NHSL2: variants seen among roughly 807,000 people sequenced by gnomAD.
The protein encoded by NHSL2 is NHS like 2, also known as NHS-like protein 2.
NHSL2 carries 27 observed loss-of-function variants against 53.4 expected under a neutral mutation model. That is an observed-to-expected ratio of 0.51 (90% CI 0.37 to 0.70). The LOEUF (loss-of-function observed/expected upper bound fraction) is 0.70. Ranked by LOEUF, NHSL2 falls within the 30% of genes least tolerant of loss-of-function variation. The pLI is 0.00. For missense variants in NHSL2, 892 were observed against 980.1 expected, an observed-to-expected ratio of 0.91 and a Z score of 1.20; for synonymous variants, 408 against 404.1, an observed-to-expected ratio of 1.01 and a Z score of -0.12.
chrX:72,081,161 C>T (rs2041788493), intron 1 of NHSL2, among the ~76,000 whole-genome samples: 1 of 112,248 alleles, frequency 8.9e-6, no homozygotes, highest in African/African-American at 3.2e-5. Context: ...AACCGAAGTC[C>T]CATGAGGACC....
rs765265428 is a variant in NHSL2, at chrX:71,920,843, C to T, written c.280+9476C>T. Among the ~76,000 whole-genome samples, 8 of 110,469 alleles carry T rather than the reference C, an allele frequency of 7.2e-5. No individual in the cohort carries two copies. In the East Asian group the frequency reaches 1.2e-3, roughly 16 times the overall value. ...TTTTTGAGACTGAGTCTTGCTCTGT[C>T]GCCCAGCTGGAGGGCAGTGGTGCGA... On this transcript the variant is annotated intron_variant, in intron 1 of 7. Coordinates refer to ENST00000633930, the MANE Select transcript of NHSL2 (RefSeq NM_001013627.3).
At chrX:71,924,800 A>G (rs932101544) in intron 1 of NHSL2, among the ~76,000 whole-genome samples, 3 of 112,574 alleles carry the variant, frequency 2.7e-5, no homozygotes, top group Admixed American at 9.4e-5. Context: ...ATTTTGCCCA[A>G]TGTAAGCCCA....
intron 1 of NHSL2, among the ~76,000 whole-genome samples, chrX:71,931,197 C>T (rs370239058): frequency 1.8e-5 from 2 of 111,915 alleles, no homozygotes; most frequent in African/African-American, 3.3e-5. Flanking sequence ...GTCTTTTGCC[C>T]GTTTTTGAAT....
chrX:71,940,609 A>G (rs1043939269), intron 1 of NHSL2, among the ~76,000 whole-genome samples: 36 of 110,639 alleles, frequency 3.3e-4, no homozygotes, highest in African/African-American at 1.2e-3. Flanking sequence ...GGAAGTGTTA[A>G]TCTTGGTTGG....
chrX:72,094,421 GTAT>G (rs1261346873), intron 1 of NHSL2, among the ~76,000 whole-genome samples: 1 of 111,416 alleles, frequency 9.0e-6, no homozygotes, highest in African/African-American at 3.3e-5. Flanking sequence ...TCAAGCTGTA[GTAT>G]TTTATTTCTT....
intron 1 of NHSL2, among the ~76,000 whole-genome samples, chrX:71,944,516 G>A (rs187746748): frequency 8.9e-6 from 1 of 112,085 alleles, no homozygotes; most frequent in Non-Finnish European, 1.9e-5. Context: ...GGAAGGTCAA[G>A]CTGGTCATAT....
At chrX:71,933,764 C>T (rs750964937) in intron 1 of NHSL2, among the ~76,000 whole-genome samples, 3 of 111,823 alleles carry the variant, frequency 2.7e-5, no homozygotes, top group South Asian at 3.8e-4. Flanking sequence ...AGCCCTTCCT[C>T]ATTTCTGCTG....
At chrX:72,104,088 T>C (rs1330409669) in intron 1 of NHSL2, among the ~76,000 whole-genome samples, 1 of 112,736 alleles carries the variant, frequency 8.9e-6, no homozygotes, top group East Asian at 2.8e-4. Flanking sequence ...TTTCCTTCCA[T>C]TATGAACACA....
intron 1 of NHSL2, among the ~76,000 whole-genome samples, chrX:71,927,742 A>G (rs2041692986): frequency 9.1e-6 from 1 of 110,299 alleles, no homozygotes; most frequent in South Asian, 3.9e-4. Context: ...TTTTTTTAGT[A>G]GAGACAGGGT....
chrX:72,069,388 G>A (rs1204040576), intron 1 of NHSL2, among the ~76,000 whole-genome samples: 1 of 109,163 alleles, frequency 9.2e-6, no homozygotes, highest in Non-Finnish European at 1.9e-5. Context: ...CAAGGGGGAG[G>A]GGGAAAGGGA....
chrX:72,138,303 C>T (rs2042377556), intron 5 of NHSL2, 138 bp from the exon 6 acceptor site: 1 of 466,107 alleles, frequency 2.1e-6, no homozygotes, highest in Non-Finnish European at 3.6e-6. Context: ...CATCTTCATC[C>T]ATGGAAGGGA....
chrX:72,005,214 G>A (rs865790682), intron 1 of NHSL2, among the ~76,000 whole-genome samples: 9 of 112,191 alleles, frequency 8.0e-5, no homozygotes, highest in East Asian at 2.8e-4. Context: ...GGGTCCTCCC[G>A]CCTTGGTTTC....
At chrX:72,098,154 A>G (rs1041839116) in intron 1 of NHSL2, among the ~76,000 whole-genome samples, 2 of 112,333 alleles carry the variant, frequency 1.8e-5, no homozygotes, top group Admixed American at 9.4e-5. Flanking sequence ...CCTTGGCGGG[A>G]AGACAGAGGC....
rs72630035 is a variant in NHSL2, at chrX:72,073,822, C to A, written c.281-58257C>A. Among the ~76,000 whole-genome samples the A allele has an allele frequency of 5.3e-3, 591 of 112,325 alleles. 12 individuals carry two copies. The East Asian group carries it at 0.058, about 11-fold the overall frequency. ...TGCATCTGTGACAGGCATTAGTAAC[C>A]CTGGAGACTGGATGTGGTGGAAGGA... is the stretch of plus-strand genomic sequence containing the variant. On this transcript the variant is annotated intron_variant, in intron 1 of 7. Coordinates refer to ENST00000633930, the MANE Select transcript of NHSL2 (RefSeq NM_001013627.3).
intron 1 of NHSL2, among the ~76,000 whole-genome samples, chrX:71,919,069 A>G (rs1387809758): frequency 8.9e-6 from 1 of 112,335 alleles, no homozygotes; most frequent in East Asian, 2.8e-4. Context: ...GCTGACAATG[A>G]TTATCTCAGG....
intron 1 of NHSL2, among the ~76,000 whole-genome samples, chrX:72,006,615 C>G (rs912893515): frequency 4.4e-5 from 5 of 112,433 alleles, no homozygotes; most frequent in African/African-American, 1.6e-4. Context: ...TGCAGTGGTG[C>G]CATCACGGCT....
At chrX:71,925,420 C>CT (rs775266941) in intron 1 of NHSL2, among the ~76,000 whole-genome samples, 247 of 99,564 alleles carry the variant, frequency 2.5e-3, no homozygotes, top group East Asian at 0.012. Flanking sequence ...TGTTTTTGCA[C>CT]TTTTTTTTTT....
intron 1 of NHSL2, chrX:72,128,181 A>G (rs2042246516): frequency 1.8e-5 from 2 of 112,169 alleles, no homozygotes; most frequent in South Asian, 7.5e-4. Flanking sequence ...TGATGAATAG[A>G]GACCTCACCA....
intron 1 of NHSL2, among the ~76,000 whole-genome samples, chrX:71,976,364 A>C (rs897464147): frequency 1.8e-5 from 2 of 111,720 alleles, no homozygotes; most frequent in African/African-American, 6.5e-5. Flanking sequence ...TGTTGTGAGG[A>C]CTTAGTAAGC....
Sources: allele counts gnomAD v4.1 joint callset (sites outside exome capture counted in the v4.1 genomes callset), GRCh38; gene constraint gnomAD v4.1.1; transcripts MANE v1.5; gene names NCBI Gene and HGNC (gene_info 2026-07-23, HGNC 2026-07-21).